Variants in CDH12 observed in about 807,000 individuals in gnomAD.
The protein encoded by CDH12 is cadherin-12.
A neutral mutation model predicts 74.1 loss-of-function variants in CDH12; 41 were observed. The ratio of observed to expected loss-of-function variants is 0.55; its 90% CI spans 0.43 to 0.72. The LOEUF (loss-of-function observed/expected upper bound fraction) is 0.72. Among genes scored for constraint, CDH12 ranks in the 30% least tolerant of loss-of-function variants. The probability of loss-of-function intolerance (pLI) is 0.00; values close to 1 mark genes in which losing one functional copy is unlikely to be tolerated. For missense variants in CDH12, 945 were observed against 977.2 expected (o/e 0.97, Z 0.44); for synonymous variants, 399 against 355.0 (o/e 1.12, Z -1.39).
intron 4 of CDH12, among the ~76,000 whole-genome samples, chr5:22,115,717 G>T: frequency 8.7e-6 from 1 of 114,920 alleles, no homozygotes. Context: ...TTTTGAGACA[G>T]ACTCTCGCCC....
At chr5:22,204,349 A>C (rs1751100554) in intron 4 of CDH12, among the ~76,000 whole-genome samples, 1 of 151,750 alleles carries the variant, frequency 6.6e-6, no homozygotes, top group African/African-American at 2.4e-5. Context: ...TTTAGTAGAG[A>C]CGGGGGTTTC....
intron 6 of CDH12, among the ~76,000 whole-genome samples, chr5:21,915,822 C>CTG (rs36126825): frequency 0.19 from 25,853 of 139,740 alleles, 2,464 homozygotes; most frequent in Middle Eastern, 0.24. Flanking sequence ...ATCATTTGTG[C>CTG]TGTGTGTGTG....
At chr5:22,602,502 A>G (rs913797333) in intron 1 of CDH12, among the ~76,000 whole-genome samples, 1 of 152,142 alleles carries the variant, frequency 6.6e-6, no homozygotes, top group Non-Finnish European at 1.5e-5. Flanking sequence ...TAATCTTGTC[A>G]ACTATTCATT....
chr5:22,428,231 A>AC (rs567820878), intron 2 of CDH12, among the ~76,000 whole-genome samples: 364 of 140,366 alleles, frequency 2.6e-3, no homozygotes, highest in African/African-American at 9.5e-3. Flanking sequence ...ACACACACAC[A>AC]ATCTATGTGC....
At chr5:22,461,153 G>A (rs937060274) in intron 2 of CDH12, among the ~76,000 whole-genome samples, 2 of 144,100 alleles carry the variant, frequency 1.4e-5, no homozygotes, top group Non-Finnish European at 3.0e-5. Flanking sequence ...TCAGCGTCCC[G>A]AGTAGCTGGG....
chr5:22,010,305 C>T (rs1737226042), intron 5 of CDH12, among the ~76,000 whole-genome samples: 1 of 152,154 alleles, frequency 6.6e-6, no homozygotes, highest in Non-Finnish European at 1.5e-5. Context: ...CCAGTTTTCA[C>T]ATAAATAGGA....
intron 5 of CDH12, among the ~76,000 whole-genome samples, chr5:22,007,643 T>A (rs903388882): frequency 1.6e-4 from 24 of 152,160 alleles, no homozygotes; most frequent in African/African-American, 5.8e-4. Flanking sequence ...TCCACTGTTA[T>A]TGTTAGGTTG....
intron 4 of CDH12, among the ~76,000 whole-genome samples, chr5:22,199,966 A>G (rs1750832840): frequency 6.6e-6 from 1 of 152,174 alleles, no homozygotes; most frequent in South Asian, 2.1e-4. Flanking sequence ...AGATGACCCA[A>G]ACTGTGTTTC....
chr5:22,351,346 C>T (rs796297253), intron 3 of CDH12, among the ~76,000 whole-genome samples: 3 of 152,252 alleles, frequency 2.0e-5, no homozygotes, highest in African/African-American at 7.2e-5. Flanking sequence ...GACAAGTGAG[C>T]CACAGGTGAT....
chr5:22,446,242 G>A (rs187401929), intron 2 of CDH12, among the ~76,000 whole-genome samples: 307 of 152,096 alleles, frequency 2.0e-3, no homozygotes, highest in African/African-American at 7.1e-3. Context: ...GGTTTGATTC[G>A]ACGGTCATCT....
intron 3 of CDH12, among the ~76,000 whole-genome samples, chr5:22,380,548 A>T (rs1005936204): frequency 1.3e-5 from 2 of 149,392 alleles, no homozygotes; most frequent in Non-Finnish European, 3.0e-5. Context: ...CAAAAAAAAA[A>T]CTACTATGTA....
At chr5:22,488,469 C>G (rs924702431) in intron 2 of CDH12, among the ~76,000 whole-genome samples, 12 of 152,092 alleles carry the variant, frequency 7.9e-5, no homozygotes, top group Non-Finnish European at 1.6e-4. Flanking sequence ...TATTTTAATG[C>G]TTTTACATTT....
At chr5:22,525,330 T>A (rs1019626647) in intron 1 of CDH12, among the ~76,000 whole-genome samples, 6 of 152,160 alleles carry the variant, frequency 3.9e-5, no homozygotes, top group Admixed American at 6.6e-5. Flanking sequence ...ACAAATCACA[T>A]GACCATGACC....
chr5:21,892,727 G>C (rs2150045742), intron 6 of CDH12, among the ~76,000 whole-genome samples: 1 of 152,038 alleles, frequency 6.6e-6, no homozygotes, highest in East Asian at 1.9e-4. Flanking sequence ...GGTTCACAAG[G>C]ATATGACCTA....
Position 21,894,326 on chromosome 5 carries a change from C to T in CDH12, c.527-39536G>A, listed in dbSNP as rs184792210. ...CCCGGGAGGCGGAGTTTGCAGTAAG[C>T]CCAGATTGTGCCGCTGCACTCCAGC... On this transcript the variant is annotated intron_variant, in intron 6 of 14. Coordinates refer to ENST00000382254, the MANE Select transcript of CDH12 (RefSeq NM_004061.5). Among the ~76,000 whole-genome samples, 4 of 150,506 alleles carry T rather than the reference C, an allele frequency of 2.7e-5. No homozygotes were observed. The East Asian group carries it at 7.8e-4, about 30-fold the overall frequency.
intron 1 of CDH12, among the ~76,000 whole-genome samples, chr5:22,632,757 T>C (rs1165899761): frequency 2.0e-5 from 3 of 152,120 alleles, no homozygotes; most frequent in Non-Finnish European, 4.4e-5. Context: ...AATATGTGGA[T>C]ACATTATGGC....
chr5:22,525,604 C>T (rs1339023602), intron 1 of CDH12, among the ~76,000 whole-genome samples: 2 of 152,122 alleles, frequency 1.3e-5, no homozygotes, highest in Non-Finnish European at 2.9e-5. Flanking sequence ...TTTTACAACA[C>T]ATGTCAATAA....
At chr5:22,588,382 A>T (rs956360714) in intron 1 of CDH12, among the ~76,000 whole-genome samples, 3 of 152,114 alleles carry the variant, frequency 2.0e-5, no homozygotes, top group African/African-American at 7.2e-5. Flanking sequence ...AGAGACAAAG[A>T]TATATTTCTT....
At chr5:22,506,982 A>G (rs1200196751) in intron 1 of CDH12, among the ~76,000 whole-genome samples, 1 of 152,110 alleles carries the variant, frequency 6.6e-6, no homozygotes, top group Non-Finnish European at 1.5e-5. Flanking sequence ...TCTCTCAGTA[A>G]TATATCAAGA....
Sources: allele counts gnomAD v4.1 joint callset (sites outside exome capture counted in the v4.1 genomes callset), GRCh38; gene constraint gnomAD v4.1.1; transcripts MANE v1.5; gene names NCBI Gene and HGNC (gene_info 2026-07-23, HGNC 2026-07-21).